The following ROR1 variants were observed in gnomAD, a reference collection of about 807,000 sequenced individuals.
The protein encoded by ROR1 is inactive tyrosine-protein kinase transmembrane receptor ROR1.
ROR1 carries 19 observed loss-of-function variants against 78.8 expected under a neutral mutation model. The observed-to-expected ratio is 0.24, with a 90% CI of 0.17 to 0.35. The LOEUF (loss-of-function observed/expected upper bound fraction) is 0.35. Among genes scored for constraint, ROR1 ranks in the 10% least tolerant of loss-of-function variants. The pLI, the probability that ROR1 is intolerant of heterozygous loss-of-function variation, is 1.00. For missense variants in ROR1, 917 were observed against 1,177.8 expected (o/e 0.78, Z 3.24); for synonymous variants, 386 against 433.6 (o/e 0.89, Z 1.36).
At chr1:63,908,777 C>T (rs1447111779) in intron 1 of ROR1, among the ~76,000 whole-genome samples, 2 of 152,202 alleles carry the variant, frequency 1.3e-5, no homozygotes, top group Non-Finnish European at 1.5e-5. Flanking sequence ...GCTCAGTCTG[C>T]GTAGCTCCTG....
intron 1 of ROR1, among the ~76,000 whole-genome samples, chr1:63,967,061 A>T (rs1646080943): frequency 6.6e-6 from 1 of 152,158 alleles, no homozygotes; most frequent in African/African-American, 2.4e-5. Flanking sequence ...ATTAGTTCTT[A>T]AGGGGACTTG....
chr1:63,844,924 A>T (rs1370676671), intron 1 of ROR1, among the ~76,000 whole-genome samples: 1 of 152,152 alleles, frequency 6.6e-6, no homozygotes, highest in East Asian at 1.9e-4. Context: ...GCTTCTTTTT[A>T]ATTAAATTGT....
chr1:64,089,911 A>G (rs1647181947), intron 4 of ROR1, among the ~76,000 whole-genome samples: 1 of 152,028 alleles, frequency 6.6e-6, no homozygotes, highest in Non-Finnish European at 1.5e-5. Context: ...TTCTCGTCAT[A>G]ATGAATAAGT....
chr1:64,092,507 TG>T (rs1282034413), intron 4 of ROR1, among the ~76,000 whole-genome samples: 1 of 152,112 alleles, frequency 6.6e-6, no homozygotes, highest in African/African-American at 2.4e-5. Context: ...GGAGGTGTCT[TG>T]AGAGTCTGTC....
chr1:63,815,446 AT>A (rs1213973275), intron 1 of ROR1, among the ~76,000 whole-genome samples: 34 of 102,984 alleles, frequency 3.3e-4, no homozygotes, highest in South Asian at 1.0e-3. Context: ...CCAGGACTGG[AT>A]TTTTTTTTTC....
chr1:63,791,770 A>G (rs1223529163), intron 1 of ROR1, among the ~76,000 whole-genome samples: 2 of 152,132 alleles, frequency 1.3e-5, no homozygotes, highest in Non-Finnish European at 2.9e-5. Flanking sequence ...CATTCCCTGA[A>G]GATTATGGAA....
At chr1:64,108,057 TTGTTG>T (rs1647898545) in intron 4 of ROR1, among the ~76,000 whole-genome samples, 1 of 109,884 alleles carries the variant, frequency 9.1e-6, no homozygotes, top group African/African-American at 3.8e-5. Flanking sequence ...TTTTGTTTTC[TTGTTG>T]TGTGTGTGTG....
At chr1:63,845,126 A>G (rs1645073183) in intron 1 of ROR1, among the ~76,000 whole-genome samples, 1 of 152,106 alleles carries the variant, frequency 6.6e-6, no homozygotes, top group African/African-American at 2.4e-5. Flanking sequence ...TTTCCCTGAA[A>G]TGTTTAATGT....
intron 1 of ROR1, chr1:63,789,409 A>T: frequency 1.2e-5 from 4 of 336,092 alleles, no homozygotes; most frequent in South Asian, 1.1e-4. Flanking sequence ...ACACCTGAGC[A>T]CTGCCTGCTG....
intron 1 of ROR1, among the ~76,000 whole-genome samples, chr1:63,976,713 A>G (rs1355577243): frequency 6.6e-6 from 1 of 152,186 alleles, no homozygotes; most frequent in Non-Finnish European, 1.5e-5. Flanking sequence ...TGGATATAGG[A>G]AAATGAAACT....
chr1:63,811,219 T>C (rs1644858100), intron 1 of ROR1, among the ~76,000 whole-genome samples: 1 of 152,230 alleles, frequency 6.6e-6, no homozygotes, highest in African/African-American at 2.4e-5. Flanking sequence ...TAAAGTGGGC[T>C]GCACACACAG....
intron 1 of ROR1, among the ~76,000 whole-genome samples, chr1:63,889,830 G>A (rs1645382170): frequency 2.0e-5 from 3 of 152,164 alleles, no homozygotes; most frequent in Admixed American, 2.0e-4. Context: ...CTACCCTGAA[G>A]GGAAGATTTT....
At chr1:64,086,089 A>G (rs1647150482) in intron 4 of ROR1, among the ~76,000 whole-genome samples, 3 of 152,178 alleles carry the variant, frequency 2.0e-5, no homozygotes, top group South Asian at 2.1e-4. Flanking sequence ...ATTTCTACCC[A>G]TTCTAAAGCT....
intron 1 of ROR1, among the ~76,000 whole-genome samples, chr1:63,978,222 C>T (rs999049567): frequency 1.3e-5 from 2 of 152,164 alleles, no homozygotes; most frequent in Non-Finnish European, 2.9e-5. Flanking sequence ...ACGGGAAATT[C>T]ATGTTATCTA....
At chr1:64,001,059 T>C (rs947149919) in intron 1 of ROR1, among the ~76,000 whole-genome samples, 13 of 152,348 alleles carry the variant, frequency 8.5e-5, no homozygotes, top group African/African-American at 2.2e-4. Flanking sequence ...ATGACAGCTT[T>C]ATTTGTAACA....
At chr1:63,780,898 G>T (rs1644647973) in intron 1 of ROR1, among the ~76,000 whole-genome samples, 1 of 152,148 alleles carries the variant, frequency 6.6e-6, no homozygotes, top group African/African-American at 2.4e-5. Flanking sequence ...ACCGTTTTTA[G>T]CTCCAATATC....
intron 1 of ROR1, among the ~76,000 whole-genome samples, chr1:63,956,636 C>T (rs1174477007): frequency 6.6e-6 from 1 of 152,206 alleles, no homozygotes. Context: ...TTGTGAATCA[C>T]TCACAAACAT....
At chr1:63,817,450 C>T (rs1644899259) in intron 1 of ROR1, among the ~76,000 whole-genome samples, 1 of 152,162 alleles carries the variant, frequency 6.6e-6, no homozygotes, top group African/African-American at 2.4e-5. Flanking sequence ...CAAGTTTGAC[C>T]ACCATAAATT....
intron 4 of ROR1, among the ~76,000 whole-genome samples, chr1:64,075,095 C>G (rs905476800): frequency 1.3e-5 from 2 of 152,164 alleles, no homozygotes; most frequent in Admixed American, 6.5e-5. Flanking sequence ...TTGGGGTAAC[C>G]TTGTCATTCC....
Sources: allele counts gnomAD v4.1 joint callset (sites outside exome capture counted in the v4.1 genomes callset), GRCh38; gene constraint gnomAD v4.1.1; transcripts MANE v1.5; gene names NCBI Gene and HGNC (gene_info 2026-07-23, HGNC 2026-07-21).